SPPL3: variants seen among roughly 807,000 people sequenced by gnomAD.
SPPL3 encodes the protein signal peptide peptidase like 3.
A neutral mutation model predicts 42.4 loss-of-function variants in SPPL3; 5 were observed. That is an observed-to-expected ratio of 0.12 (90% CI 0.06 to 0.25). The LOEUF (loss-of-function observed/expected upper bound fraction) is 0.25, where lower values mean the gene tolerates loss of function less well. Among genes scored for constraint, SPPL3 ranks in the 10% least tolerant of loss-of-function variants. The pLI is 1.00. For synonymous variants in SPPL3, 195 were observed against 181.8 expected (o/e 1.07, Z -0.58); for missense variants, 235 against 489.0 (o/e 0.48, Z 4.90).
intron 2 of SPPL3, among the ~76,000 whole-genome samples, chr12:120,795,188 CCTT>C (rs1870057546): frequency 6.6e-6 from 1 of 152,178 alleles, no homozygotes; most frequent in South Asian, 2.1e-4. Flanking sequence ...AGCAATCAAT[CCTT>C]CTGCTTCAAC....
chr12:120,882,307 A>C (rs1168746875), intron 1 of SPPL3, among the ~76,000 whole-genome samples: 1 of 152,134 alleles, frequency 6.6e-6, no homozygotes, highest in East Asian at 1.9e-4. Flanking sequence ...TACAGTGTCA[A>C]TCTGGGAAGA....
At chr12:120,771,547 A>C (rs1455561779) in intron 6 of SPPL3, among the ~76,000 whole-genome samples, 5 of 34,618 alleles carry the variant, frequency 1.4e-4, no homozygotes, top group African/African-American at 9.6e-4. Context: ...TCTGATATAC[A>C]TAATTTCTTC....
At chr12:120,809,677 A>G (rs917132910) in intron 2 of SPPL3, among the ~76,000 whole-genome samples, 2 of 152,244 alleles carry the variant, frequency 1.3e-5, no homozygotes, top group South Asian at 2.1e-4. Flanking sequence ...TCTAGTGTCT[A>G]TATTTTCCCT....
intron 1 of SPPL3, among the ~76,000 whole-genome samples, chr12:120,851,499 C>T (rs1352989993): frequency 2.0e-5 from 3 of 152,198 alleles, no homozygotes; most frequent in African/African-American, 4.8e-5. Flanking sequence ...TCTGTTCAGT[C>T]GAAGCAGTAT....
At chr12:120,766,756 C>T (rs1377078397) in intron 9 of SPPL3, among the ~76,000 whole-genome samples, 2 of 152,244 alleles carry the variant, frequency 1.3e-5, no homozygotes, top group Admixed American at 1.3e-4. Flanking sequence ...CTCTGAGCCT[C>T]AGCTTGCTCA....
intron 1 of SPPL3, among the ~76,000 whole-genome samples, chr12:120,837,259 G>C (rs1445293594): frequency 6.6e-6 from 1 of 152,072 alleles, no homozygotes; most frequent in Non-Finnish European, 1.5e-5. Context: ...TCAATCACAA[G>C]CAATAATTGT....
intron 1 of SPPL3, among the ~76,000 whole-genome samples, chr12:120,861,883 A>C (rs1401990443): frequency 6.6e-6 from 1 of 152,230 alleles, no homozygotes; most frequent in Non-Finnish European, 1.5e-5. Flanking sequence ...CTGGGAACTC[A>C]AAGGATTGGG....
intron 1 of SPPL3, among the ~76,000 whole-genome samples, chr12:120,860,524 A>G (rs1872592445): frequency 6.6e-6 from 1 of 152,216 alleles, no homozygotes; most frequent in Non-Finnish European, 1.5e-5. Flanking sequence ...TGTCAAGGTA[A>G]GTGCAAAAAC....
At chr12:120,814,323 G>A (rs954375746) in intron 1 of SPPL3, among the ~76,000 whole-genome samples, 3 of 152,268 alleles carry the variant, frequency 2.0e-5, no homozygotes, top group African/African-American at 7.2e-5. Flanking sequence ...AGTGGAGAAA[G>A]GGAAGGTAGG....
intron 6 of SPPL3, among the ~76,000 whole-genome samples, chr12:120,772,308 C>T (rs1440727283): frequency 1.3e-5 from 2 of 152,220 alleles, no homozygotes; most frequent in African/African-American, 4.8e-5. Flanking sequence ...AGGCATGAGC[C>T]ACCGCGCCCG....
At chr12:120,774,549 G>A (rs560955772) in intron 6 of SPPL3, among the ~76,000 whole-genome samples, 4 of 152,132 alleles carry the variant, frequency 2.6e-5, no homozygotes, top group Admixed American at 1.3e-4. Context: ...GACCATCTAG[G>A]TCCTCCCCAC....
intron 1 of SPPL3, among the ~76,000 whole-genome samples, chr12:120,899,386 A>G (rs1873903424): frequency 6.6e-6 from 1 of 152,140 alleles, no homozygotes; most frequent in African/African-American, 2.4e-5. Flanking sequence ...TATTCTTTCA[A>G]CAAAGGATGA....
chr12:120,843,036 A>G (rs10431387), intron 1 of SPPL3, among the ~76,000 whole-genome samples: 29,481 of 152,074 alleles, frequency 0.19, 4,524 homozygotes, highest in African/African-American at 0.41. Context: ...GCCTCAAACT[A>G]GTAGACTCAG....
chr12:120,882,655 T>C (rs1772441529), intron 1 of SPPL3, among the ~76,000 whole-genome samples: 1 of 152,146 alleles, frequency 6.6e-6, no homozygotes, highest in Non-Finnish European at 1.5e-5. Context: ...CAAAAGACAT[T>C]CAAGATATAT....
At chr12:120,846,896 T>TCACCC (rs1872058874) in intron 1 of SPPL3, among the ~76,000 whole-genome samples, 2 of 152,208 alleles carry the variant, frequency 1.3e-5, no homozygotes, top group East Asian at 3.8e-4. Context: ...GGTGGGAGTG[T>TCACCC]GGAGGTTTCT....
At chr12:120,770,508 TG>T (rs1195960825) in intron 6 of SPPL3, among the ~76,000 whole-genome samples, 11 of 152,330 alleles carry the variant, frequency 7.2e-5, no homozygotes, top group Non-Finnish European at 1.2e-4. Flanking sequence ...ACACTGCTCC[TG>T]GGGGCTTGCC....
At chr12:120,818,575 A>G (rs965288799) in intron 1 of SPPL3, among the ~76,000 whole-genome samples, 2 of 152,218 alleles carry the variant, frequency 1.3e-5, no homozygotes, top group African/African-American at 4.8e-5. Context: ...TGAGACACAG[A>G]GAGTACTGTT....
chr12:120,851,697 C>A (rs575106571), intron 1 of SPPL3, among the ~76,000 whole-genome samples: 1 of 152,090 alleles, frequency 6.6e-6, no homozygotes, highest in Admixed American at 6.6e-5. Context: ...TTGACCTCCC[C>A]GGGTCAGGTG....
At chr12:120,890,857 G>A (rs369848603) in intron 1 of SPPL3, among the ~76,000 whole-genome samples, 19 of 152,284 alleles carry the variant, frequency 1.2e-4, no homozygotes, top group Middle Eastern at 6.8e-3. Flanking sequence ...GAATGTCTCC[G>A]AGGTATCTAG....
Sources: gnomAD v4.1 joint callset for allele counts (sites outside exome capture counted in the v4.1 genomes callset) on GRCh38, gnomAD v4.1.1 for gene constraint, MANE v1.5 for transcripts, NCBI Gene and HGNC (gene_info 2026-07-23, HGNC 2026-07-21) for gene names.